Variants in ATRN observed in about 807,000 individuals in gnomAD.
The protein encoded by ATRN is attractin-2.
Under a neutral mutation model 178.7 loss-of-function variants are expected in ATRN, and 54 were observed. The ratio of observed to expected loss-of-function variants is 0.30; its 90% CI spans 0.24 to 0.38. The LOEUF is 0.38. ATRN is among the 10% of genes least tolerant of loss of function. ATRN has a pLI of 1.00. For synonymous variants in ATRN, 636 were observed against 663.0 expected (o/e 0.96, Z 0.63); for missense variants, 1,443 against 1,815.1 (o/e 0.79, Z 3.73).
rs11905398 is a variant in ATRN, at chr20:3,640,108, T to C, written c.4050+1173T>C. On this transcript the variant is annotated intron_variant, in intron 27 of 28. Transcript: ENST00000262919. ...TATAATATAACTGTGTATGAAATGT[T>C]TAAAGAAATAAAAGATGAAATCATA... Among the ~76,000 whole-genome samples the C allele has an allele frequency of 3.8e-3, 576 of 152,250 alleles. 3 individuals carry two copies. Among genetic ancestry groups the C allele is most frequent in the African/African-American group, 0.013 (537 of 41,524 alleles).
chr20:3,512,279 C>T (rs1394748533), intron 1 of ATRN, among the ~76,000 whole-genome samples: 4 of 142,158 alleles, frequency 2.8e-5, no homozygotes, highest in Non-Finnish European at 1.5e-5. Flanking sequence ...CACAACAGGC[C>T]CCAGGGTGTG....
intron 1 of ATRN, among the ~76,000 whole-genome samples, chr20:3,485,590 T>C (rs238729): frequency 0.015 from 2,301 of 150,990 alleles, 49 homozygotes; most frequent in African/African-American, 0.041. Context: ...AGATTTGGTT[T>C]GCCAATACAT....
In ATRN at chr20:3,513,754, C is replaced by A. The variant is rs146664907; in HGVS notation, c.411-21499C>A. Among the ~76,000 whole-genome samples the A allele has an allele frequency of 3.4e-3, 510 of 152,116 alleles. 3 individuals carry two copies. Among genetic ancestry groups the A allele is most frequent in the African/African-American group, 0.012 (487 of 41,502 alleles). Reference sequence around the variant, plus strand: ...GGAATGTTCTTCCATTTGTTTGTGCCCTCTTTTATTTCGTTGAGCAGTGGT... The same window carrying A: ...GGAATGTTCTTCCATTTGTTTGTGCACTCTTTTATTTCGTTGAGCAGTGGT... On this transcript the variant is annotated intron_variant, in intron 1 of 28. Coordinates refer to ENST00000262919, the MANE Select transcript of ATRN (RefSeq NM_139321.3).
chr20:3,563,430 G>A, intron 10 of ATRN, 67 bp downstream of exon 10: 1 of 1,480,148 alleles, frequency 6.8e-7, no homozygotes, highest in African/African-American at 1.4e-5. Flanking sequence ...GCATTTAAAA[G>A]GAGACTGAAA....
Position 3,608,510 on chromosome 20 carries a change from T to C in ATRN, c.3801+4248T>C, listed in dbSNP as rs898243550. Among the ~76,000 whole-genome samples, 9 of 152,214 alleles carry C rather than the reference T, an allele frequency of 5.9e-5. No homozygotes were observed. The East Asian group carries it at 1.2e-3, about 19-fold the overall frequency. On this transcript the variant is annotated intron_variant, in intron 24 of 28. Transcript: ENST00000262919. ...TCTTGACTCCATTATTGAAAACCAG[T>C]TGGCCGTGAATATGTGGATTTATTT...
chr20:3,549,144 A>G, intron 5 of ATRN, 26 bp from the exon 6 acceptor site: 1 of 1,551,032 alleles, frequency 6.4e-7, no homozygotes, highest in Non-Finnish European at 8.7e-7. Context: ...GTCTTTTGTG[A>G]AGCTAATTCA....
At chr20:3,581,063 G>A (rs2086276482) in intron 15 of ATRN, among the ~76,000 whole-genome samples, 1 of 151,982 alleles carries the variant, frequency 6.6e-6, no homozygotes, top group African/African-American at 2.4e-5. Context: ...GCAACACAGG[G>A]AGACCTCGTC....
At chr20:3,564,698 A>G (rs1180340319) in intron 10 of ATRN, among the ~76,000 whole-genome samples, 1 of 152,204 alleles carries the variant, frequency 6.6e-6, no homozygotes, top group Non-Finnish European at 1.5e-5. Flanking sequence ...CAATATAGAA[A>G]AGAGTGGAAA....
intron 15 of ATRN, among the ~76,000 whole-genome samples, chr20:3,579,501 C>T (rs959244579): frequency 1.3e-5 from 2 of 151,994 alleles, no homozygotes; most frequent in Admixed American, 1.3e-4. Context: ...AAAAAAAGAA[C>T]AGCAAAAAAA....
intron 15 of ATRN, among the ~76,000 whole-genome samples, chr20:3,581,593 A>G (rs2086282848): frequency 6.6e-6 from 1 of 152,064 alleles, no homozygotes; most frequent in African/African-American, 2.4e-5. Flanking sequence ...TGGAAATCCA[A>G]AATGCTCTAG....
intron 1 of ATRN, among the ~76,000 whole-genome samples, chr20:3,531,453 G>A (rs2085452116): frequency 6.6e-6 from 1 of 152,158 alleles, no homozygotes; most frequent in Non-Finnish European, 1.5e-5. Context: ...GATATTTATT[G>A]CAGTGATGTG....
chr20:3,634,272 G>A (rs2087009803), intron 25 of ATRN, 39 bp from the exon 26 acceptor site: 1 of 1,589,328 alleles, frequency 6.3e-7, no homozygotes, highest in Non-Finnish European at 8.6e-7. Context: ...GCTGATTCTG[G>A]GGGCTGGGAT....
At chr20:3,576,085 G>T in intron 13 of ATRN, 137 bp downstream of exon 13, 1 of 1,077,008 alleles carries the variant, frequency 9.3e-7, no homozygotes, top group East Asian at 2.7e-5. Context: ...TATCCCTGAG[G>T]TTTTCCTTTA....
intron 1 of ATRN, among the ~76,000 whole-genome samples, chr20:3,519,006 T>TATAAAAAAAA (rs770584938): frequency 6.4e-4 from 76 of 119,452 alleles, no homozygotes; most frequent in Non-Finnish European, 9.3e-4. Context: ...TCCTTATATA[T>TATAAAAAAAA]AAAAAAAAAA....
chr20:3,620,534 G>T (rs971698004), intron 24 of ATRN, among the ~76,000 whole-genome samples: 1 of 152,172 alleles, frequency 6.6e-6, no homozygotes, highest in Admixed American at 6.5e-5. Flanking sequence ...GTGAGCCACT[G>T]CATCCAGCCT....
At chr20:3,612,519 C>T (rs1299698329) in intron 24 of ATRN, among the ~76,000 whole-genome samples, 2 of 152,060 alleles carry the variant, frequency 1.3e-5, no homozygotes, top group African/African-American at 4.8e-5. Context: ...TAGAATTCTC[C>T]CTGCTGTAGG....
intron 2 of ATRN, 146 bp downstream of exon 2, chr20:3,535,482 A>G (rs1421026739): frequency 8.4e-6 from 3 of 356,022 alleles, no homozygotes; most frequent in Non-Finnish European, 1.6e-5. Context: ...AGTGAATTTT[A>G]TCTTAGCCTT....
intron 1 of ATRN, among the ~76,000 whole-genome samples, chr20:3,511,783 T>C (rs554793823): frequency 1.1e-4 from 16 of 152,124 alleles, no homozygotes; most frequent in Non-Finnish European, 1.9e-4. Flanking sequence ...CTTATTTTCT[T>C]GACAATCTTA....
intron 6 of ATRN, 28 bp downstream of exon 6, chr20:3,549,366 A>C (rs1395902131): frequency 6.7e-7 from 1 of 1,489,580 alleles, no homozygotes. Flanking sequence ...TTTTTGCAAG[A>C]AGCTTAGTTT....
Sources: allele counts gnomAD v4.1 joint callset (sites outside exome capture counted in the v4.1 genomes callset), GRCh38; gene constraint gnomAD v4.1.1; transcripts MANE v1.5; gene names NCBI Gene and HGNC (gene_info 2026-07-23, HGNC 2026-07-21).